QSER1: variants seen among roughly 807,000 people sequenced by gnomAD.
QSER1 encodes glutamine and serine rich 1, also known as glutamine and serine-rich protein 1.
A neutral mutation model predicts 158.5 loss-of-function variants in QSER1; 49 were observed. The ratio of observed to expected loss-of-function variants is 0.31; its 90% CI spans 0.25 to 0.39. QSER1 has a LOEUF of 0.39. QSER1 is among the 10% of genes least tolerant of loss of function. The pLI, the probability that QSER1 is intolerant of heterozygous loss-of-function variation, is 1.00. For missense variants in QSER1, 1,754 were observed against 2,010.3 expected (o/e 0.87, Z 2.44); for synonymous variants, 650 against 715.5 (o/e 0.91, Z 1.46).
Position 32,932,069 on chromosome 11 carries a change from C to T in QSER1, c.811C>T (p.Pro271Ser). The T allele has an allele frequency of 6.2e-7, 1 of 1,614,210 alleles. No homozygotes were observed. Among genetic ancestry groups the T allele is most frequent in the Non-Finnish European group, 8.5e-7 (1 of 1,180,040 alleles). ...ATACCGCTCAGCTCAAGAGTCTGCA[C>T]CCCATCTTTTACAACCTCAATTTAG... ...STYRSAQESA[P>S]HLLQPQFSLL... Residue 271 changes from proline (P) to serine (S), a missense_variant, in exon 4 of 13, where the codon CCC (proline) becomes TCC (serine). Physicochemically the swap from Pro to Ser is moderately conservative, Grantham distance 74 (BLOSUM62 -1). Around this residue, in one of 2 missense-constraint regions of QSER1, gnomAD observed 1,707 missense variants for 1,919.6 expected, o/e 0.89. Transcript: ENST00000650167.
At chr11:32,903,097 T>C (rs929938891) in intron 1 of QSER1, among the ~76,000 whole-genome samples, 4 of 152,152 alleles carry the variant, frequency 2.6e-5, no homozygotes, top group Non-Finnish European at 5.9e-5. Context: ...GGATGTTGGG[T>C]CTTTGGGATT....
intron 4 of QSER1, among the ~76,000 whole-genome samples, chr11:32,946,195 G>A (rs1421624927): frequency 1.3e-5 from 2 of 151,914 alleles, no homozygotes; most frequent in African/African-American, 2.4e-5. Flanking sequence ...TCCTCCCGTA[G>A]CTCAGAGTAA....
chr11:32,906,387 C>T (rs1427902369), intron 1 of QSER1, among the ~76,000 whole-genome samples: 2 of 152,102 alleles, frequency 1.3e-5, no homozygotes, highest in African/African-American at 2.4e-5. Flanking sequence ...GGCGCCACTG[C>T]ACTCCAGCCA....
At chr11:32,903,667 C>T (rs1851652759) in intron 1 of QSER1, among the ~76,000 whole-genome samples, 1 of 151,760 alleles carries the variant, frequency 6.6e-6, no homozygotes. Flanking sequence ...AGTACAGTGG[C>T]GCGATCTCAG....
At chr11:32,959,205 G>T (rs937727812) in intron 8 of QSER1, among the ~76,000 whole-genome samples, 4 of 152,160 alleles carry the variant, frequency 2.6e-5, no homozygotes, top group African/African-American at 9.7e-5. Context: ...AGATTCATTT[G>T]CATATTTCCA....
chr11:32,905,935 AAT>A (rs1464828706), intron 1 of QSER1, among the ~76,000 whole-genome samples: 16 of 152,120 alleles, frequency 1.1e-4, no homozygotes, highest in South Asian at 4.1e-4. Flanking sequence ...ACATTTGATT[AAT>A]ATGTTATAAT....
chr11:32,894,495 A>G (rs1395329861), intron 1 of QSER1, among the ~76,000 whole-genome samples: 2 of 152,184 alleles, frequency 1.3e-5, no homozygotes, highest in Non-Finnish European at 2.9e-5. Context: ...ATTATTTTTC[A>G]CGACAGAAGT....
chr11:32,894,787 T>G (rs1851534001), intron 1 of QSER1, among the ~76,000 whole-genome samples: 1 of 152,190 alleles, frequency 6.6e-6, no homozygotes, highest in South Asian at 2.1e-4. Context: ...GCTGAAACCT[T>G]TCAGAAATAG....
At chr11:32,944,807 C>T (rs1329596355) in intron 4 of QSER1, among the ~76,000 whole-genome samples, 2 of 142,736 alleles carry the variant, frequency 1.4e-5, no homozygotes, top group Admixed American at 7.1e-5. Flanking sequence ...CTTTCTGTCT[C>T]GTTGATCTGT....
intron 12 of QSER1, 26 bp downstream of exon 12, chr11:32,975,369 A>G: frequency 6.2e-7 from 1 of 1,607,008 alleles, no homozygotes; most frequent in Non-Finnish European, 8.5e-7. Flanking sequence ...TTACTTAAAA[A>G]AAATGTTTTT....
chr11:32,920,481 A>G (rs1166285922), intron 1 of QSER1, among the ~76,000 whole-genome samples: 2 of 152,236 alleles, frequency 1.3e-5, no homozygotes, highest in African/African-American at 2.4e-5. Flanking sequence ...TTTCTTAGAT[A>G]TGCTATCAAA....
rs1301475897 is a variant in QSER1, at chr11:32,893,482, A to T, written c.209+148A>T. 6.6e-6 allele frequency: 1 copy of T among 152,276 alleles called. No individual in the cohort carries two copies. The highest frequency in any genetic ancestry group is 1.5e-5 in the Non-Finnish European group (1 of 68,148). 9.4% of individuals were successfully genotyped at this position (152,276 alleles called of 1,614,324 possible). On this transcript the variant is annotated intron_variant, in intron 1 of 12. Coordinates refer to ENST00000650167, the MANE Select transcript of QSER1 (RefSeq NM_001076786.3). This position sits in a 1 kb window ranked among gnomAD's most constrained non-coding sequence, Gnocchi z 4.7. ...TCGGCCAGCTCGGGGGAGGCGGCTG[A>T]TGACTCCTACGGGGTGGTCGCGGGT... is the stretch of plus-strand genomic sequence containing the variant.
chr11:32,907,298 T>C (rs1282041045), intron 1 of QSER1, among the ~76,000 whole-genome samples: 2 of 152,234 alleles, frequency 1.3e-5, no homozygotes, highest in Non-Finnish European at 2.9e-5. Context: ...TACCCTAAAA[T>C]GTTATTAAAT....
At chr11:32,923,357 GT>G (rs1244049511) in intron 1 of QSER1, among the ~76,000 whole-genome samples, 2 of 152,188 alleles carry the variant, frequency 1.3e-5, no homozygotes, top group Non-Finnish European at 2.9e-5. Flanking sequence ...GGTTTCTGTG[GT>G]TTGTTTATGC....
At chr11:32,973,238 A>G (rs1852903150) in intron 10 of QSER1, among the ~76,000 whole-genome samples, 159 bp from the exon 11 acceptor site, 1 of 152,136 alleles carries the variant, frequency 6.6e-6, no homozygotes, top group Admixed American at 6.5e-5. Flanking sequence ...ATATCCCATC[A>G]GTACACACAC....
chr11:32,962,999 T>G (rs1308234815), intron 8 of QSER1, among the ~76,000 whole-genome samples: 2 of 152,210 alleles, frequency 1.3e-5, no homozygotes, highest in Admixed American at 1.3e-4. Context: ...CACAACTGTA[T>G]GGGTGCTCCT....
chr11:32,932,138 G>T lies in QSER1; in HGVS notation c.880G>T (p.Ala294Ser), dbSNP rs766520968. 3.7e-6 allele frequency: 6 copies of T among 1,614,140 alleles called. No individual in the cohort carries two copies. In the East Asian group the frequency reaches 1.3e-4, roughly 36 times the overall value. The change falls in exon 4 of 13, where the codon GCC (alanine) becomes TCC (serine). Residue 294 changes from alanine (A) to serine (S), a missense_variant. Ala to Ser is a moderately conservative substitution (Grantham distance 99, BLOSUM62 1). Around this residue, in one of 2 missense-constraint regions of QSER1, gnomAD observed 1,707 missense variants for 1,919.6 expected, o/e 0.89. Transcript: ENST00000650167. ...ALGGSQQTPQ[A>S]YSSTLFTSST... ...TGGGGGATCCCAGCAGACTCCTCAA[G>T]CCTACAGTTCAACTCTCTTTACTAG...
At chr11:32,894,312 T>C (rs551034300) in intron 1 of QSER1, among the ~76,000 whole-genome samples, 1 of 152,302 alleles carries the variant, frequency 6.6e-6, no homozygotes, top group African/African-American at 2.4e-5. Flanking sequence ...AGGCGTGGTC[T>C]GGTTTGGAGA....
intron 1 of QSER1, among the ~76,000 whole-genome samples, chr11:32,897,463 C>T (rs1851569541): frequency 6.6e-6 from 1 of 152,168 alleles, no homozygotes; most frequent in South Asian, 2.1e-4. Flanking sequence ...TGACCATTAC[C>T]TAGTTGAAAT....
Sources: gnomAD v4.1 joint callset for allele counts (sites outside exome capture counted in the v4.1 genomes callset) on GRCh38, gnomAD v4.1.1 for gene constraint, gnomAD v4.1.1 regional missense constraint, Gnocchi (gnomAD v3.1) non-coding constraint, MANE v1.5 for transcripts, NCBI Gene and HGNC (gene_info 2026-07-23, HGNC 2026-07-21) for gene names.